PTK2: variants seen among roughly 807,000 people sequenced by gnomAD.
PTK2 encodes focal adhesion kinase 1.
In PTK2, 45 loss-of-function variants were observed where a neutral mutation model predicts 150.1. The ratio of observed to expected loss-of-function variants is 0.30; its 90% CI spans 0.24 to 0.38. PTK2 has a LOEUF of 0.38. PTK2 is among the 10% of genes least tolerant of loss of function. PTK2 has a pLI of 1.00. For synonymous variants in PTK2, 432 were observed against 449.2 expected, an observed-to-expected ratio of 0.96 and a Z score of 0.48; for missense variants, 919 against 1,307.3, an observed-to-expected ratio of 0.70 and a Z score of 4.58.
At chr8:140,907,799 G>A (rs759194281) in intron 2 of PTK2, among the ~76,000 whole-genome samples, 1 of 152,106 alleles carries the variant, frequency 6.6e-6, no homozygotes, top group Non-Finnish European at 1.5e-5. Context: ...TTAAGAGAGC[G>A]AGCTTAGTTG....
At chr8:140,746,513 G>A (rs1326704627) in intron 18 of PTK2, 5 of 348,022 alleles carry the variant, frequency 1.4e-5, no homozygotes, top group East Asian at 4.5e-5. Context: ...GGCCATCTGC[G>A]GCTACCAATC....
intron 1 of PTK2, among the ~76,000 whole-genome samples, chr8:140,998,466 T>G: frequency 6.6e-6 from 1 of 152,138 alleles, no homozygotes; most frequent in Middle Eastern, 3.4e-3. Context: ...GAATACAATA[T>G]AAATAATTTC....
At chr8:140,790,687 A>G (rs772075953) in intron 13 of PTK2, among the ~76,000 whole-genome samples, 1 of 152,246 alleles carries the variant, frequency 6.6e-6, no homozygotes, top group Non-Finnish European at 1.5e-5. Flanking sequence ...TAATAATCAC[A>G]GCAAACAGCC....
At chr8:140,942,625 TGC>T (rs34947300) in intron 1 of PTK2, among the ~76,000 whole-genome samples, 62,907 of 151,670 alleles carry the variant, frequency 0.41, 14,910 homozygotes, top group Non-Finnish European at 0.54. Flanking sequence ...AATGAGTGCG[TGC>T]GTGTGTGTGT....
chr8:140,834,617 CAGATCATGGGATAG>C (rs1283767460), intron 7 of PTK2, among the ~76,000 whole-genome samples: 2 of 152,168 alleles, frequency 1.3e-5, no homozygotes, highest in African/African-American at 4.8e-5. Context: ...GGCACTATAA[CAGATCATGGGATAG>C]AAAAATCGCT....
chr8:140,815,582 A>C (rs1403772922), intron 10 of PTK2, among the ~76,000 whole-genome samples: 1 of 152,184 alleles, frequency 6.6e-6, no homozygotes, highest in Non-Finnish European at 1.5e-5. Flanking sequence ...TTAAAAAAAA[A>C]TCACTGAAAG....
chr8:140,820,192 C>T (rs956367591), intron 8 of PTK2, among the ~76,000 whole-genome samples: 1 of 144,700 alleles, frequency 6.9e-6, no homozygotes, highest in Non-Finnish European at 1.5e-5. Flanking sequence ...CTCTGCCTCC[C>T]AGGCTCAAGC....
chr8:140,954,506 G>A (rs1320366082), intron 1 of PTK2, among the ~76,000 whole-genome samples: 2 of 152,154 alleles, frequency 1.3e-5, no homozygotes, highest in Non-Finnish European at 2.9e-5. Flanking sequence ...TAATGTACCA[G>A]ACAGTATTCT....
chr8:140,915,864 T>G (rs932006903), intron 2 of PTK2, among the ~76,000 whole-genome samples: 1 of 152,080 alleles, frequency 6.6e-6, no homozygotes, highest in Non-Finnish European at 1.5e-5. Context: ...ATCACGCCAC[T>G]GCACTCCAGT....
chr8:140,741,236 G>A (rs1460993401), intron 20 of PTK2, among the ~76,000 whole-genome samples: 1 of 151,930 alleles, frequency 6.6e-6, no homozygotes, highest in Non-Finnish European at 1.5e-5. Context: ...CGGATCATGA[G>A]GTCAGGAGAT....
intron 5 of PTK2, among the ~76,000 whole-genome samples, chr8:140,855,803 T>C (rs1192831514): frequency 7.2e-5 from 11 of 152,264 alleles, no homozygotes; most frequent in South Asian, 2.1e-4. Context: ...ATATTGTCTA[T>C]AGACTTTCAG....
At chr8:140,939,210 A>C (rs1395899928) in intron 1 of PTK2, among the ~76,000 whole-genome samples, 1 of 152,172 alleles carries the variant, frequency 6.6e-6, no homozygotes, top group African/African-American at 2.4e-5. Context: ...AAATCCAGAG[A>C]CTTATTCTAA....
At chr8:140,862,121 A>G (rs2154605697) in intron 5 of PTK2, among the ~76,000 whole-genome samples, 1 of 152,330 alleles carries the variant, frequency 6.6e-6, no homozygotes, top group Non-Finnish European at 1.5e-5. Context: ...CTAGGAACAA[A>G]AAAGTTGCAG....
At chr8:140,881,352 T>C (rs2100148942) in intron 3 of PTK2, among the ~76,000 whole-genome samples, 3 of 152,198 alleles carry the variant, frequency 2.0e-5, no homozygotes, top group Admixed American at 1.3e-4. Context: ...TGCAGCTTCT[T>C]GCCAACACAC....
chr8:140,663,924 G>T (rs922042389), intron 31 of PTK2, among the ~76,000 whole-genome samples: 3 of 152,124 alleles, frequency 2.0e-5, no homozygotes, highest in African/African-American at 7.2e-5. Context: ...AAAGTGTTGG[G>T]ATTACAGAGG....
At chr8:140,921,506 T>C (rs2100167437) in intron 2 of PTK2, among the ~76,000 whole-genome samples, 1 of 152,244 alleles carries the variant, frequency 6.6e-6, no homozygotes, top group Admixed American at 6.5e-5. Context: ...ATAATTACTT[T>C]GATGAAATAA....
At chr8:140,890,332 A>G (rs2100153806) in intron 3 of PTK2, 2 of 471,266 alleles carry the variant, frequency 4.2e-6, no homozygotes, top group African/African-American at 2.0e-5. Flanking sequence ...AATATGATTC[A>G]GTCATTATTT....
chr8:140,872,781 A>G (rs2100143291), intron 4 of PTK2, among the ~76,000 whole-genome samples: 1 of 152,206 alleles, frequency 6.6e-6, no homozygotes, highest in East Asian at 1.9e-4. Context: ...CAATCTCGTT[A>G]GGTTTTTTCA....
intron 27 of PTK2, among the ~76,000 whole-genome samples, chr8:140,679,019 T>G (rs1261323944): frequency 9.9e-6 from 1 of 100,908 alleles, no homozygotes; most frequent in Non-Finnish European, 1.8e-5. Context: ...TTTTTTTTTT[T>G]TTTTTTTTTT....
Sources: allele counts gnomAD v4.1 joint callset (sites outside exome capture counted in the v4.1 genomes callset), GRCh38; gene constraint gnomAD v4.1.1; transcripts MANE v1.5; gene names NCBI Gene and HGNC (gene_info 2026-07-23, HGNC 2026-07-21).